The following PKHD1 variants were observed in gnomAD, a reference collection of about 807,000 sequenced individuals.
PKHD1 encodes the protein PKHD1 ciliary IPT domain containing fibrocystin/polyductin.
In PKHD1, 291 loss-of-function variants were observed where a neutral mutation model predicts 412.0. That is an observed-to-expected ratio of 0.71 (90% confidence interval 0.64 to 0.78). The LOEUF is 0.78. Among genes scored for constraint, PKHD1 ranks in the 30% least tolerant of loss-of-function variants. The pLI, the probability that PKHD1 is intolerant of heterozygous loss-of-function variation, is 0.00. For synonymous variants in PKHD1, 1,777 were observed against 1,821.5 expected (o/e 0.98, Z 0.62); for missense variants, 4,825 against 4,950.7 (o/e 0.97, Z 0.76).
At chr6:52,012,476 C>A (rs1799942741) in intron 34 of PKHD1, among the ~76,000 whole-genome samples, 1 of 152,164 alleles carries the variant, frequency 6.6e-6, no homozygotes, top group Admixed American at 6.5e-5. Context: ...ATCCTTCGTC[C>A]ACAGGGCAGA....
intron 29 of PKHD1, 117 bp from the exon 30 acceptor site, chr6:52,028,468 T>G (rs1003955291): frequency 6.4e-6 from 6 of 937,926 alleles, no homozygotes; most frequent in Non-Finnish European, 1.0e-5. Context: ...TGCATAATAC[T>G]CTTAAGAGTT....
intron 19 of PKHD1, 75 bp from the exon 20 acceptor site, chr6:52,054,240 C>T (rs1437004304): frequency 6.9e-7 from 1 of 1,445,968 alleles, no homozygotes; most frequent in African/African-American, 1.4e-5. Flanking sequence ...AGTGAGGAGT[C>T]CACATCCCTA....
intron 60 of PKHD1, among the ~76,000 whole-genome samples, chr6:51,723,384 C>T (rs917083944): frequency 1.3e-5 from 2 of 152,186 alleles, no homozygotes; most frequent in African/African-American, 4.8e-5. Flanking sequence ...CTGCACTATT[C>T]ATTCCCCAAC....
rs563304422 is a variant in PKHD1, at chr6:51,686,890, CA to C, written c.10157-26922del. On this transcript the variant is annotated intron_variant, in intron 60 of 66. Transcript: ENST00000371117. ...TACTCACTTGCATGTTTGAAATCTA[CA>C]AGGACAACTTTCTAAAAATATTTTG... 2.4e-3 allele frequency among the ~76,000 whole-genome samples: 370 copies of C among 152,222 alleles called. 1 individual carries two copies. The Middle Eastern group carries it at 0.034, about 14-fold the overall frequency.
At chr6:51,628,099 CA>C (rs1177937587) in intron 65 of PKHD1, among the ~76,000 whole-genome samples, 7 of 152,036 alleles carry the variant, frequency 4.6e-5, no homozygotes, top group African/African-American at 1.7e-4. Flanking sequence ...ATTTTAGGTT[CA>C]GGGGGTACAT....
intron 53 of PKHD1, 76 bp downstream of exon 53, chr6:51,791,160 T>C (rs1793672662): frequency 7.0e-7 from 1 of 1,427,308 alleles, no homozygotes; most frequent in East Asian, 2.3e-5. Context: ...TGCTTGATGA[T>C]ACCATCTGTT....
chr6:51,700,421 C>T (rs1465934009), intron 60 of PKHD1, among the ~76,000 whole-genome samples: 1 of 152,092 alleles, frequency 6.6e-6, no homozygotes, highest in East Asian at 1.9e-4. Context: ...AAAGTTCACC[C>T]TCTTGTCCAG....
chr6:51,783,744 A>C (rs932173157), intron 53 of PKHD1, among the ~76,000 whole-genome samples: 1 of 152,182 alleles, frequency 6.6e-6, no homozygotes, highest in Non-Finnish European at 1.5e-5. Context: ...ACAAGCTTTG[A>C]GTGGGGGACA....
chr6:51,877,787 A>T (rs1776811200), intron 46 of PKHD1, among the ~76,000 whole-genome samples: 1 of 10,654 alleles, frequency 9.4e-5, no homozygotes, highest in Non-Finnish European at 1.4e-4. Flanking sequence ...AAGGAAATAG[A>T]GACACAAAAA....
chr6:51,890,247 C>A (rs1466002285), intron 43 of PKHD1, among the ~76,000 whole-genome samples: 4 of 151,984 alleles, frequency 2.6e-5, no homozygotes, highest in African/African-American at 9.7e-5. Context: ...CCATCCAAGT[C>A]CAAGTCTGGA....
intron 32 of PKHD1, 32 bp from the exon 33 acceptor site, chr6:52,022,976 T>C: frequency 6.2e-7 from 1 of 1,613,390 alleles, no homozygotes; most frequent in Non-Finnish European, 8.5e-7. Context: ...TTCTTGATCA[T>C]ACAGGCAAAT....
intron 53 of PKHD1, among the ~76,000 whole-genome samples, chr6:51,776,466 A>C (rs1791043917): frequency 6.6e-6 from 1 of 152,020 alleles, no homozygotes; most frequent in Non-Finnish European, 1.5e-5. Context: ...GATGTAAACC[A>C]CTGAGATTTG....
intron 35 of PKHD1, among the ~76,000 whole-genome samples, chr6:51,989,897 G>GAAGGAAGGAAAGAAGGAAGGA (rs1296315116): frequency 1.1e-4 from 1 of 9,440 alleles, no homozygotes; most frequent in Non-Finnish European, 2.2e-4. Flanking sequence ...AGGAAGGAAG[G>GAAGGAAGGAAAGAAGGAAGGA]AGGGAGGAAG....
intron 60 of PKHD1, among the ~76,000 whole-genome samples, chr6:51,668,482 C>T (rs1394839186): frequency 2.0e-5 from 3 of 152,124 alleles, no homozygotes; most frequent in African/African-American, 7.2e-5. Context: ...ACAATCATGT[C>T]GTCTGCAAAC....
chr6:52,068,444 G>A (rs1040160992), intron 11 of PKHD1, among the ~76,000 whole-genome samples: 1 of 152,228 alleles, frequency 6.6e-6, no homozygotes, highest in African/African-American at 2.4e-5. Context: ...AAACCTTGGA[G>A]TGGAGTGGCA....
intron 49 of PKHD1, 124 bp downstream of exon 49, chr6:51,855,769 T>C: frequency 1.2e-6 from 1 of 804,312 alleles, no homozygotes; most frequent in South Asian, 1.4e-5. Flanking sequence ...TTTATCTGCA[T>C]CAGAATATGC....
chr6:51,976,280 T>C (rs995828983), intron 35 of PKHD1, among the ~76,000 whole-genome samples: 5 of 152,210 alleles, frequency 3.3e-5, no homozygotes, highest in Admixed American at 6.5e-5. Context: ...AAATGTGATA[T>C]ATACATTCAA....
intron 49 of PKHD1, among the ~76,000 whole-genome samples, chr6:51,850,629 G>A (rs770326891): frequency 1.3e-5 from 2 of 151,992 alleles, no homozygotes; most frequent in Non-Finnish European, 2.9e-5. Context: ...AGCTGTATAC[G>A]TAGGTATTTT....
chr6:51,736,954 C>T (rs186932271), intron 60 of PKHD1, among the ~76,000 whole-genome samples: 1 of 152,248 alleles, frequency 6.6e-6, no homozygotes, highest in East Asian at 1.9e-4. Flanking sequence ...CTGAGCTTTC[C>T]CCATTATTCA....
Sources: allele counts gnomAD v4.1 joint callset (sites outside exome capture counted in the v4.1 genomes callset), GRCh38; gene constraint gnomAD v4.1.1; transcripts MANE v1.5; gene names NCBI Gene and HGNC (gene_info 2026-07-23, HGNC 2026-07-21).